Variants in COG5 observed in about 807,000 individuals in gnomAD.
COG5 encodes the protein conserved oligomeric Golgi complex subunit 5.
Under a neutral mutation model 110.4 loss-of-function variants are expected in COG5, and 86 were observed. The ratio of observed to expected loss-of-function variants is 0.78; its 90% CI spans 0.65 to 0.93. The LOEUF (loss-of-function observed/expected upper bound fraction) is 0.93, where lower values mean the gene tolerates loss of function less well. Among genes scored for constraint, COG5 ranks in the 40% least tolerant of loss-of-function variants. The pLI, the probability that COG5 is intolerant of heterozygous loss-of-function variation, is 0.00. For missense variants in COG5, 1,077 were observed against 987.0 expected (o/e 1.09, Z -1.22); for synonymous variants, 360 against 334.6 (o/e 1.08, Z -0.83).
At chr7:107,358,600 G>C (rs1476319475) in intron 10 of COG5, among the ~76,000 whole-genome samples, 4 of 152,192 alleles carry the variant, frequency 2.6e-5, no homozygotes, top group Non-Finnish European at 4.4e-5. Flanking sequence ...CTCAGATTTT[G>C]AGAAGGACCC....
intron 6 of COG5, among the ~76,000 whole-genome samples, chr7:107,470,800 A>G (rs1276330105): frequency 1.3e-5 from 2 of 152,030 alleles, no homozygotes; most frequent in African/African-American, 2.4e-5. Flanking sequence ...CTTATTACTT[A>G]ATTTTATGTT....
At chr7:107,506,750 C>T (rs1799041649) in intron 6 of COG5, among the ~76,000 whole-genome samples, 1 of 152,162 alleles carries the variant, frequency 6.6e-6, no homozygotes, top group Admixed American at 6.5e-5. Flanking sequence ...TCAGGCCACG[C>T]CCCTCCCAGT....
intron 6 of COG5, among the ~76,000 whole-genome samples, chr7:107,490,504 C>T (rs2129127777): frequency 6.6e-6 from 1 of 152,180 alleles, no homozygotes; most frequent in Admixed American, 6.5e-5. Flanking sequence ...AAGTAGAACA[C>T]ATGATCACAG....
chr7:107,364,368 T>C (rs957154406), intron 8 of COG5, among the ~76,000 whole-genome samples: 4 of 152,344 alleles, frequency 2.6e-5, no homozygotes, highest in Admixed American at 2.0e-4. Flanking sequence ...ATTGGTTTCA[T>C]TGGTTTCAGT....
chr7:107,395,021 C>A (rs1269047327), intron 7 of COG5, among the ~76,000 whole-genome samples: 2 of 152,180 alleles, frequency 1.3e-5, no homozygotes, highest in African/African-American at 4.8e-5. Flanking sequence ...TGAAATTCTG[C>A]AAAGTGACTC....
chr7:107,409,926 GA>G (rs1406846982), intron 7 of COG5, among the ~76,000 whole-genome samples: 1 of 152,170 alleles, frequency 6.6e-6, no homozygotes, highest in African/African-American at 2.4e-5. Context: ...ATGGAAGAGG[GA>G]ACTGGACGTA....
Position 107,283,554 on chromosome 7 carries a change from A to G in COG5, c.1475+17T>C, listed in dbSNP as rs1805358002. 1 of 1,605,848 alleles carries G rather than the reference A, an allele frequency of 6.2e-7. No individual in the cohort carries two copies. Among genetic ancestry groups the G allele is most frequent in the Non-Finnish European group, 8.5e-7 (1 of 1,172,654 alleles). On this transcript the variant is annotated intron_variant, in intron 13 of 21. Coordinates refer to ENST00000297135, the MANE Select transcript of COG5 (RefSeq NM_006348.5). ...GGCAGTCATCTTATGGCAAGCCACT[A>G]TATAAAAAATACATACCTTGCTATA...
chr7:107,229,188 C>T (rs527372106), intron 19 of COG5, among the ~76,000 whole-genome samples: 14 of 152,224 alleles, frequency 9.2e-5, no homozygotes, highest in East Asian at 7.7e-4. Context: ...CAGTGGCTCA[C>T]GCCTGTAATC....
intron 5 of COG5, among the ~76,000 whole-genome samples, chr7:107,531,683 T>A (rs1044345914): frequency 1.3e-5 from 2 of 151,308 alleles, no homozygotes; most frequent in African/African-American, 4.9e-5. Flanking sequence ...TTTTTTTTTT[T>A]TGATATCATT....
intron 6 of COG5, among the ~76,000 whole-genome samples, chr7:107,470,701 T>G (rs982983105): frequency 7.2e-5 from 11 of 152,250 alleles, no homozygotes; most frequent in African/African-American, 2.6e-4. Context: ...ATATACTAAA[T>G]ATTCTTAATG....
chr7:107,367,932 A>G (rs1180404431), intron 8 of COG5, among the ~76,000 whole-genome samples: 1 of 152,180 alleles, frequency 6.6e-6, no homozygotes, highest in Non-Finnish European at 1.5e-5. Flanking sequence ...GCTACTGAAA[A>G]AAAGAGAAAA....
At chr7:107,421,468 A>G (rs114409293) in intron 6 of COG5, among the ~76,000 whole-genome samples, 1,621 of 152,286 alleles carry the variant, frequency 0.011, 27 homozygotes, top group African/African-American at 0.037. Flanking sequence ...AACAAACCTT[A>G]TAAATGTAAA....
chr7:107,380,424 A>T (rs1328072760), intron 7 of COG5, among the ~76,000 whole-genome samples: 1 of 152,212 alleles, frequency 6.6e-6, no homozygotes, highest in African/African-American at 2.4e-5. Flanking sequence ...AGCCAGACTA[A>T]TAAAGAAGAA....
At chr7:107,507,297 C>CTTTTTT (rs10713224) in intron 6 of COG5, among the ~76,000 whole-genome samples, 3 of 131,608 alleles carry the variant, frequency 2.3e-5, no homozygotes, top group African/African-American at 2.7e-5. Context: ...CTTTTCTTTT[C>CTTTTTT]TTTTTTTTTT....
chr7:107,318,497 G>A (rs890477686), intron 11 of COG5, among the ~76,000 whole-genome samples: 44 of 152,304 alleles, frequency 2.9e-4, no homozygotes, highest in African/African-American at 1.0e-3. Context: ...GACAACAGAT[G>A]CATTGCAACT....
intron 8 of COG5, among the ~76,000 whole-genome samples, chr7:107,365,144 T>C (rs1029586602): frequency 6.6e-6 from 1 of 152,110 alleles, no homozygotes; most frequent in Non-Finnish European, 1.5e-5. Flanking sequence ...ATACAAGACA[T>C]TGCCATTACC....
intron 11 of COG5, among the ~76,000 whole-genome samples, chr7:107,323,479 C>T (rs1035389513): frequency 3.3e-5 from 5 of 152,032 alleles, no homozygotes; most frequent in African/African-American, 9.7e-5. Flanking sequence ...AGCAGTGAGC[C>T]GAGATCACGT....
chr7:107,220,789 G>A (rs1460920403), intron 19 of COG5, among the ~76,000 whole-genome samples: 1 of 151,290 alleles, frequency 6.6e-6, no homozygotes. Context: ...TTTGAGGGAT[G>A]CAAAGGATAG....
At chr7:107,484,218 ATG>A (rs944721474) in intron 6 of COG5, among the ~76,000 whole-genome samples, 1 of 152,120 alleles carries the variant, frequency 6.6e-6, no homozygotes, top group Non-Finnish European at 1.5e-5. Context: ...TACCAGCAAG[ATG>A]ACTTTAAGAA....
Sources: allele counts gnomAD v4.1 joint callset (sites outside exome capture counted in the v4.1 genomes callset), GRCh38; gene constraint gnomAD v4.1.1; transcripts MANE v1.5; gene names NCBI Gene and HGNC (gene_info 2026-07-23, HGNC 2026-07-21).